NMNAT2: variants seen among roughly 807,000 people sequenced by gnomAD.
The protein encoded by NMNAT2 is nicotinamide/nicotinic acid mononucleotide adenylyltransferase 2.
NMNAT2 carries 11 observed loss-of-function variants against 41.6 expected under a neutral mutation model. The ratio of observed to expected loss-of-function variants is 0.26; its 90% CI spans 0.17 to 0.44. NMNAT2 has a LOEUF of 0.44. Ranked by LOEUF, NMNAT2 falls within the 20% of genes least tolerant of loss-of-function variation. The pLI is 1.00. For synonymous variants in NMNAT2, 148 were observed against 151.2 expected, an observed-to-expected ratio of 0.98 and a Z score of 0.16; for missense variants, 288 against 407.7, an observed-to-expected ratio of 0.71 and a Z score of 2.53.
At chr1:183,396,376 C>G (rs1185930647) in intron 1 of NMNAT2, among the ~76,000 whole-genome samples, 1 of 152,098 alleles carries the variant, frequency 6.6e-6, no homozygotes, top group African/African-American at 2.4e-5. Flanking sequence ...GGCAGTCTCC[C>G]AGTAGACAGA....
intron 10 of NMNAT2, among the ~76,000 whole-genome samples, chr1:183,257,420 G>A (rs868066975): frequency 5.3e-5 from 8 of 152,256 alleles, no homozygotes; most frequent in Middle Eastern, 6.8e-3. Flanking sequence ...CAGCCTGGGC[G>A]ACAGAGTGAG....
chr1:183,389,737 AAAG>A, intron 1 of NMNAT2, among the ~76,000 whole-genome samples: 2 of 6,270 alleles, frequency 3.2e-4, no homozygotes, highest in African/African-American at 1.1e-3. Flanking sequence ...CCCTGTCAAA[AAAG>A]AAAGAAAGAA....
At chr1:183,301,461 C>T (rs1318022092) in intron 1 of NMNAT2, among the ~76,000 whole-genome samples, 1 of 152,222 alleles carries the variant, frequency 6.6e-6, no homozygotes, top group African/African-American at 2.4e-5. Flanking sequence ...GCCAGGCTTC[C>T]CAAAATGAGG....
intron 1 of NMNAT2, among the ~76,000 whole-genome samples, chr1:183,357,665 G>A (rs563815595): frequency 6.0e-4 from 92 of 152,296 alleles, no homozygotes; most frequent in South Asian, 4.1e-3. Context: ...GCCAACATCT[G>A]TTATTTACTG....
At chr1:183,286,259 A>G (rs956454338) in intron 5 of NMNAT2, among the ~76,000 whole-genome samples, 1 of 151,474 alleles carries the variant, frequency 6.6e-6, no homozygotes, top group South Asian at 2.1e-4. Flanking sequence ...TGTTATTATT[A>G]TTATTATTAT....
chr1:183,341,725 C>CAAAAAAAAAAACAAAAAAAAAAAA (rs1662811194), intron 1 of NMNAT2, among the ~76,000 whole-genome samples: 4 of 22,210 alleles, frequency 1.8e-4, no homozygotes, highest in African/African-American at 6.4e-4. Context: ...AAACAAACAC[C>CAAAAAAAAAAACAAAAAAAAAAAA]AAAAAAAAAA....
At chr1:183,326,696 C>T (rs1662471601) in intron 1 of NMNAT2, among the ~76,000 whole-genome samples, 1 of 152,092 alleles carries the variant, frequency 6.6e-6, no homozygotes. Context: ...GTGACATGAT[C>T]TTACTCATGA....
At chr1:183,361,999 G>A (rs1474725494) in intron 1 of NMNAT2, among the ~76,000 whole-genome samples, 2 of 152,156 alleles carry the variant, frequency 1.3e-5, no homozygotes, top group Non-Finnish European at 2.9e-5. Flanking sequence ...GTGAAGTGGC[G>A]TGATCTCGGC....
chr1:183,380,422 C>T (rs1338379), intron 1 of NMNAT2, among the ~76,000 whole-genome samples: 77,873 of 152,000 alleles, frequency 0.51, 21,174 homozygotes, highest in East Asian at 0.65. Flanking sequence ...ATGAATCCAT[C>T]TTAAGTGTAT....
intron 1 of NMNAT2, among the ~76,000 whole-genome samples, chr1:183,414,163 A>T (rs918649504): frequency 3.3e-5 from 5 of 152,216 alleles, no homozygotes; most frequent in African/African-American, 1.2e-4. Flanking sequence ...GGAGTCATGG[A>T]TTTAAACTGC....
intron 1 of NMNAT2, among the ~76,000 whole-genome samples, chr1:183,355,877 G>T (rs560247111): frequency 1.0e-3 from 155 of 152,282 alleles, no homozygotes; most frequent in African/African-American, 3.6e-3. Context: ...AGCCAGTGTT[G>T]TACCATTATC....
At chr1:183,399,262 C>T (rs537311581) in intron 1 of NMNAT2, among the ~76,000 whole-genome samples, 1 of 152,208 alleles carries the variant, frequency 6.6e-6, no homozygotes, top group African/African-American at 2.4e-5. Context: ...TACAGACTAC[C>T]GTCGGAGAAT....
chr1:183,298,906 T>A (rs12081719), intron 1 of NMNAT2, among the ~76,000 whole-genome samples: 16,191 of 152,282 alleles, frequency 0.11, 950 homozygotes, highest in Middle Eastern at 0.14. Flanking sequence ...GTTAAAGTGT[T>A]AATATCAACA....
chr1:183,322,959 T>C (rs2102331649), intron 1 of NMNAT2, among the ~76,000 whole-genome samples: 1 of 152,128 alleles, frequency 6.6e-6, no homozygotes, highest in East Asian at 1.9e-4. Flanking sequence ...TTAGATGGAG[T>C]CTTGCTCTGT....
Position 183,255,201 on chromosome 1 carries a change from C to T in NMNAT2, c.822-2458G>A, listed in dbSNP as rs150522948. Reference sequence around the variant, plus strand: ...CTCTCTTTATTGTGCTTTTTTGGTACCTTTGTCAAAAATCAGTTGACCATA... The same window carrying T: ...CTCTCTTTATTGTGCTTTTTTGGTATCTTTGTCAAAAATCAGTTGACCATA... On this transcript the variant is annotated intron_variant, in intron 10 of 10. Coordinates refer to ENST00000287713, the MANE Select transcript of NMNAT2 (RefSeq NM_015039.4). 2.6e-5 allele frequency among the ~76,000 whole-genome samples: 4 copies of T among 152,202 alleles called. No individual in the cohort carries two copies. In the East Asian group the frequency reaches 5.8e-4, roughly 22 times the overall value.
At chr1:183,335,261 C>T (rs1433146552) in intron 1 of NMNAT2, among the ~76,000 whole-genome samples, 3 of 152,200 alleles carry the variant, frequency 2.0e-5, no homozygotes, top group Non-Finnish European at 4.4e-5. Flanking sequence ...ACTCAGATGT[C>T]CAAATTAAAA....
intron 1 of NMNAT2, among the ~76,000 whole-genome samples, chr1:183,298,233 T>TA (rs1661754386): frequency 2.0e-5 from 3 of 151,870 alleles, no homozygotes; most frequent in East Asian, 1.9e-4. Flanking sequence ...GGCATACAGA[T>TA]AAAAAAAGGA....
chr1:183,342,982 C>A (rs1662852144), intron 1 of NMNAT2, among the ~76,000 whole-genome samples: 2 of 151,944 alleles, frequency 1.3e-5, no homozygotes, highest in Admixed American at 1.3e-4. Flanking sequence ...AAACAATCCT[C>A]CCACCTCAAC....
intron 1 of NMNAT2, chr1:183,304,593 C>A (rs1378254008): frequency 4.5e-6 from 6 of 1,347,932 alleles, no homozygotes; most frequent in Non-Finnish European, 5.3e-6. Flanking sequence ...GAGACAGAAT[C>A]CTGTTTTCTT....
Sources: allele counts gnomAD v4.1 joint callset (sites outside exome capture counted in the v4.1 genomes callset), GRCh38; gene constraint gnomAD v4.1.1; transcripts MANE v1.5; gene names NCBI Gene and HGNC (gene_info 2026-07-23, HGNC 2026-07-21).